Variants in CDYL2 observed in about 807,000 individuals in gnomAD.
CDYL2 encodes chromodomain Y-like protein 2.
Under a neutral mutation model 49.4 loss-of-function variants are expected in CDYL2, and 23 were observed. The ratio of observed to expected loss-of-function variants is 0.47; its 90% confidence interval spans 0.34 to 0.66. The LOEUF (loss-of-function observed/expected upper bound fraction) is 0.66. CDYL2 is among the 30% of genes least tolerant of loss of function. CDYL2 has a pLI of 0.01. For missense variants in CDYL2, 678 were observed against 656.4 expected (o/e 1.03, Z -0.36); for synonymous variants, 360 against 268.8 (o/e 1.34, Z -3.32).
At chr16:80,702,580 T>C (rs954198933) in intron 1 of CDYL2, among the ~76,000 whole-genome samples, 1 of 152,010 alleles carries the variant, frequency 6.6e-6, no homozygotes, top group African/African-American at 2.4e-5. Flanking sequence ...TGACAACCCA[T>C]CTCTACAAAA....
intron 1 of CDYL2, among the ~76,000 whole-genome samples, chr16:80,751,776 T>G (rs527991809): frequency 6.6e-6 from 1 of 152,346 alleles, no homozygotes; most frequent in Admixed American, 6.5e-5. Flanking sequence ...TACTCAAGTC[T>G]TTCACTTAGG....
At chr16:80,803,606 T>A (rs1253434182) in intron 1 of CDYL2, among the ~76,000 whole-genome samples, 1 of 7,730 alleles carries the variant, frequency 1.3e-4, no homozygotes, top group African/African-American at 7.0e-4. Context: ...AGCCTCCCCC[T>A]TCGCAGCCCC....
At chr16:80,642,887 C>G (rs1249798976) in intron 2 of CDYL2, among the ~76,000 whole-genome samples, 6 of 152,152 alleles carry the variant, frequency 3.9e-5, no homozygotes, top group African/African-American at 7.2e-5. Context: ...TGGGGACACA[C>G]AGTCAAACCA....
At position 80,690,516 on chromosome 16, in the gene CDYL2, T is replaced by G. The variant is rs549582844; in HGVS notation, c.25-5387A>C. On this transcript the variant is annotated intron_variant, in intron 1 of 6. Coordinates refer to ENST00000570137, the MANE Select transcript of CDYL2 (RefSeq NM_152342.4). ...TAATTTTATTTTCTTATTTTTTATATAGAGGATAAAACTGAGGCACCCAGA... is the reference window on the plus strand; with the variant it reads ...TAATTTTATTTTCTTATTTTTTATAGAGAGGATAAAACTGAGGCACCCAGA... 4.6e-5 allele frequency among the ~76,000 whole-genome samples: 7 copies of G among 152,262 alleles called. No individual in the cohort carries two copies. In the East Asian group the frequency reaches 1.3e-3, roughly 29 times the overall value.
intron 1 of CDYL2, among the ~76,000 whole-genome samples, chr16:80,759,227 T>C (rs1045776638): frequency 2.7e-5 from 4 of 149,136 alleles, no homozygotes; most frequent in Non-Finnish European, 5.9e-5. Context: ...ATGATATAGG[T>C]TAGTGTCTCT....
At chr16:80,628,730 T>C (rs75760441) in intron 3 of CDYL2, among the ~76,000 whole-genome samples, 245 of 152,368 alleles carry the variant, frequency 1.6e-3, no homozygotes, top group Admixed American at 2.4e-3. Context: ...ACCATCTTTA[T>C]ATCCCTTGCA....
intron 1 of CDYL2, among the ~76,000 whole-genome samples, chr16:80,769,466 AAAG>A (rs1906834817): frequency 6.6e-6 from 1 of 152,210 alleles, no homozygotes; most frequent in Non-Finnish European, 1.5e-5. Flanking sequence ...TGGCCAAATA[AAAG>A]AAGAGTTACT....
intron 1 of CDYL2, among the ~76,000 whole-genome samples, chr16:80,686,484 T>C (rs986144041): frequency 1.3e-5 from 2 of 152,254 alleles, no homozygotes; most frequent in Non-Finnish European, 1.5e-5. Context: ...TAAAATTAAG[T>C]CGAGTCAGGA....
intron 1 of CDYL2, among the ~76,000 whole-genome samples, chr16:80,751,174 A>T (rs980601254): frequency 4.6e-5 from 7 of 152,210 alleles, no homozygotes; most frequent in African/African-American, 1.7e-4. Context: ...AAACAAAACC[A>T]AAAACTTTAG....
intron 2 of CDYL2, among the ~76,000 whole-genome samples, chr16:80,636,347 T>TA (rs1907823655): frequency 6.6e-6 from 1 of 151,966 alleles, no homozygotes; most frequent in Non-Finnish European, 1.5e-5. Flanking sequence ...ACAAGGAACT[T>TA]AAACAAATTT....
At chr16:80,627,952 C>A (rs946804380) in intron 3 of CDYL2, 2 of 152,190 alleles carry the variant, frequency 1.3e-5, no homozygotes, top group East Asian at 3.9e-4. Flanking sequence ...TGGGTTTACA[C>A]CCAGATAACC....
chr16:80,646,660 G>C (rs4888105), intron 2 of CDYL2, among the ~76,000 whole-genome samples: 4,526 of 151,822 alleles, frequency 0.03, 106 homozygotes, highest in Non-Finnish European at 0.046. Flanking sequence ...AGAGTGGCGT[G>C]TGCCTGTAAT....
At chr16:80,762,943 A>T (rs1906583083) in intron 1 of CDYL2, among the ~76,000 whole-genome samples, 1 of 152,220 alleles carries the variant, frequency 6.6e-6, no homozygotes, top group African/African-American at 2.4e-5. Flanking sequence ...TTAATGATCC[A>T]CAATATATAT....
chr16:80,681,386 A>AC lies in CDYL2; in HGVS notation c.616+3151dup, dbSNP rs1297010972. Among the ~76,000 whole-genome samples the AC allele has an allele frequency of 4.6e-5, 7 of 152,268 alleles. No homozygotes were observed. In the South Asian group the frequency reaches 8.3e-4, roughly 18 times the overall value. On this transcript the variant is annotated intron_variant, in intron 2 of 6. Transcript: ENST00000570137. ...GGGTAGAAGGAGGACATTCAGGGCT[A>AC]CGTGGGCCTGAACACTGGCTTCAGC...
chr16:80,663,594 A>AT (rs149598138), intron 2 of CDYL2, among the ~76,000 whole-genome samples: 4,006 of 151,152 alleles, frequency 0.027, 132 homozygotes, highest in African/African-American at 0.072. Flanking sequence ...AGATGTCTAA[A>AT]TTTTTTTTTT....
At chr16:80,755,532 A>G (rs1312779924) in intron 1 of CDYL2, among the ~76,000 whole-genome samples, 1 of 152,196 alleles carries the variant, frequency 6.6e-6, no homozygotes, top group Non-Finnish European at 1.5e-5. Context: ...AAATCTATCA[A>G]AAGCCTAGAA....
chr16:80,609,595 C>A (rs765739568), intron 5 of CDYL2, among the ~76,000 whole-genome samples: 11 of 152,172 alleles, frequency 7.2e-5, no homozygotes, highest in Non-Finnish European at 1.6e-4. Context: ...AGCAGAAGTT[C>A]GCTGGGAGAA....
intron 1 of CDYL2, among the ~76,000 whole-genome samples, chr16:80,780,694 G>T (rs1025391033): frequency 6.6e-6 from 1 of 151,962 alleles, no homozygotes; most frequent in Non-Finnish European, 1.5e-5. Flanking sequence ...GTGAGCCACC[G>T]CGCCCGGCCC....
intron 4 of CDYL2, among the ~76,000 whole-genome samples, chr16:80,613,632 G>C (rs1453581794): frequency 6.6e-6 from 1 of 152,184 alleles, no homozygotes; most frequent in Non-Finnish European, 1.5e-5. Context: ...AGCAAGGCAT[G>C]TACCTTTACC....
Sources: gnomAD v4.1 joint callset for allele counts (sites outside exome capture counted in the v4.1 genomes callset) on GRCh38, gnomAD v4.1.1 for gene constraint, MANE v1.5 for transcripts, NCBI Gene and HGNC (gene_info 2026-07-23, HGNC 2026-07-21) for gene names.